The following PLPPR5 variants were observed in gnomAD, a reference collection of about 807,000 sequenced individuals.
PLPPR5 encodes phospholipid phosphatase-related protein type 5.
In PLPPR5, 16 loss-of-function variants were observed where a neutral mutation model predicts 33.9. That is an observed-to-expected ratio of 0.47 (90% CI 0.32 to 0.72). The LOEUF (loss-of-function observed/expected upper bound fraction) is 0.72, where lower values mean the gene tolerates loss of function less well. PLPPR5 is among the 30% of genes least tolerant of loss of function. PLPPR5 has a pLI of 0.03. For missense variants in PLPPR5, 301 were observed against 406.7 expected (o/e 0.74, Z 2.23); for synonymous variants, 163 against 150.3 (o/e 1.08, Z -0.62).
intron 3 of PLPPR5, among the ~76,000 whole-genome samples, chr1:98,935,115 A>G (rs901798147): frequency 1.3e-5 from 2 of 152,156 alleles, no homozygotes; most frequent in African/African-American, 4.8e-5. Context: ...TGTAGGGTCC[A>G]GTGCAAAATG....
intron 5 of PLPPR5, among the ~76,000 whole-genome samples, chr1:98,903,508 A>G (rs1218533056): frequency 6.6e-6 from 1 of 152,192 alleles, no homozygotes; most frequent in Admixed American, 6.5e-5. Context: ...TGCTATTGCT[A>G]TGACACTAAT....
At chr1:98,926,031 G>T (rs544633368) in intron 3 of PLPPR5, among the ~76,000 whole-genome samples, 46 of 152,222 alleles carry the variant, frequency 3.0e-4, no homozygotes, top group Admixed American at 1.1e-3. Flanking sequence ...TTGTTTTCAT[G>T]CTTCTTTCAC....
chr1:98,920,916 A>G (rs2101160416), intron 4 of PLPPR5, among the ~76,000 whole-genome samples: 1 of 152,288 alleles, frequency 6.6e-6, no homozygotes, highest in Middle Eastern at 3.4e-3. Flanking sequence ...TGATATACTC[A>G]TAATGATTAG....
At chr1:98,961,859 T>G (rs1367632797) in intron 1 of PLPPR5, among the ~76,000 whole-genome samples, 2 of 152,202 alleles carry the variant, frequency 1.3e-5, no homozygotes, top group Non-Finnish European at 2.9e-5. Context: ...AAGCTCTCCC[T>G]GGTGGACTTC....
At chr1:98,911,049 C>T (rs1476793260) in intron 5 of PLPPR5, among the ~76,000 whole-genome samples, 1 of 152,178 alleles carries the variant, frequency 6.6e-6, no homozygotes, top group African/African-American at 2.4e-5. Context: ...TCCTCCCTTT[C>T]TGCCTGATGA....
chr1:99,004,277 C>G, intron 1 of PLPPR5, 158 bp downstream of exon 1: 1 of 636,400 alleles, frequency 1.6e-6, no homozygotes, highest in Non-Finnish European at 2.6e-6. Flanking sequence ...CCCACCCTCA[C>G]GCGCCCTAGA....
rs529322580 is a variant in PLPPR5 at position 98,891,128 on chromosome 1, T to G, written c.*1944A>C. On this transcript the variant is annotated 3_prime_UTR_variant, in exon 6 of 6. Coordinates refer to ENST00000263177, the MANE Select transcript of PLPPR5 (RefSeq NM_001037317.2). ...ATTACTGTTATTGCCTAAAAAATCT[T>G]TAAAAAGGGTCAAGACATTCAAAGT... 2.0e-5 allele frequency: 3 copies of G among 152,250 alleles called. No individual in the cohort carries two copies. Among genetic ancestry groups the G allele is most frequent in the African/African-American group, 7.2e-5 (3 of 41,562 alleles). 9.4% of individuals were successfully genotyped at this position (152,250 alleles called of 1,614,324 possible).
At chr1:98,927,221 A>G (rs1649800936) in intron 3 of PLPPR5, among the ~76,000 whole-genome samples, 1 of 152,262 alleles carries the variant, frequency 6.6e-6, no homozygotes, top group Non-Finnish European at 1.5e-5. Flanking sequence ...TTCACTGAAT[A>G]GAAATGGGAT....
At chr1:98,906,665 C>A (rs1386235734) in intron 5 of PLPPR5, among the ~76,000 whole-genome samples, 1 of 152,166 alleles carries the variant, frequency 6.6e-6, no homozygotes, top group Non-Finnish European at 1.5e-5. Flanking sequence ...CAACTGGGAA[C>A]AATACTACTA....
intron 1 of PLPPR5, among the ~76,000 whole-genome samples, chr1:98,976,588 T>C (rs966222607): frequency 2.6e-5 from 4 of 152,144 alleles, no homozygotes; most frequent in East Asian, 1.9e-4. Flanking sequence ...AAACTGCCAA[T>C]TGCCTTGAAC....
At chr1:99,000,339 A>G (rs1047351059) in intron 1 of PLPPR5, among the ~76,000 whole-genome samples, 2 of 152,174 alleles carry the variant, frequency 1.3e-5, no homozygotes, top group African/African-American at 2.4e-5. Flanking sequence ...AGTACTATAC[A>G]CTGCTACCTA....
intron 3 of PLPPR5, 131 bp from the exon 4 acceptor site, chr1:98,922,189 G>C: frequency 1.2e-6 from 1 of 854,348 alleles, no homozygotes. Context: ...ATTAACTGGA[G>C]TTTATGAAGT....
chr1:98,932,709 C>A (rs116120760), intron 3 of PLPPR5, among the ~76,000 whole-genome samples: 2,024 of 152,318 alleles, frequency 0.013, 28 homozygotes, highest in African/African-American at 0.02. Flanking sequence ...AGAATCTCTA[C>A]TTCCCCTCTA....
At chr1:98,969,810 G>A (rs2149738) in intron 1 of PLPPR5, among the ~76,000 whole-genome samples, 28,279 of 151,738 alleles carry the variant, frequency 0.19, 2,699 homozygotes, top group East Asian at 0.26. Flanking sequence ...CAGTTCCAAA[G>A]TACATGTTTC....
intron 5 of PLPPR5, among the ~76,000 whole-genome samples, chr1:98,894,216 T>C (rs1414735635): frequency 1.3e-5 from 2 of 152,010 alleles, no homozygotes; most frequent in African/African-American, 2.4e-5. Context: ...TTCCACTAAC[T>C]CCTGGTAACA....
intron 1 of PLPPR5, among the ~76,000 whole-genome samples, chr1:98,962,456 T>C (rs1051915873): frequency 7.9e-5 from 12 of 152,184 alleles, no homozygotes; most frequent in Non-Finnish European, 1.3e-4. Flanking sequence ...ATCCTGTTGA[T>C]TATATATCTT....
In PLPPR5 at chr1:98,956,707, T is replaced by C; in HGVS notation, c.272A>G (p.Gln91Arg). The C allele has an allele frequency of 6.3e-7, 1 of 1,587,976 alleles. No individual in the cohort carries two copies. Among genetic ancestry groups the C allele is most frequent in the Non-Finnish European group, 8.5e-7 (1 of 1,170,406 alleles). ...GTTTTCAAAATCCCTTGTGGCTAGT[T>C]GTAGGCAAAAGACAGCAGTTTCTCC... ...IVGETAVFCL[Q>R]LATRDFENQE... Residue 91 changes from glutamine (Q) to arginine (R), a missense_variant, in exon 2 of 6, where the codon CAA becomes CGA. Coordinates refer to ENST00000263177, the MANE Select transcript of PLPPR5 (RefSeq NM_001037317.2).
chr1:98,968,987 A>C (rs56157718), intron 1 of PLPPR5, among the ~76,000 whole-genome samples: 16,906 of 152,096 alleles, frequency 0.11, 1,008 homozygotes, highest in African/African-American at 0.13. Context: ...TCTCGTATGA[A>C]ATTCTGAATT....
Position 98,909,442 on chromosome 1 carries a change from C to CT in PLPPR5, c.933+5343dup, listed in dbSNP as rs568755916. On this transcript the variant is annotated intron_variant, in intron 5 of 5. Transcript: ENST00000263177. Reference sequence around the variant, plus strand: ...TATACATTTAATATACATATAAAGTCTTTTTTAAAAAAACTTTCTGATATA... The same window carrying CT: ...TATACATTTAATATACATATAAAGTCTTTTTTTAAAAAAACTTTCTGATATA... Among the ~76,000 whole-genome samples the CT allele has an allele frequency of 1.4e-3, 206 of 151,130 alleles. 2 individuals carry two copies. The highest frequency in any genetic ancestry group is 2.2e-3 in the Non-Finnish European group (149 of 67,830).
Sources: allele counts gnomAD v4.1 joint callset (sites outside exome capture counted in the v4.1 genomes callset), GRCh38; gene constraint gnomAD v4.1.1; transcripts MANE v1.5; gene names NCBI Gene and HGNC (gene_info 2026-07-23, HGNC 2026-07-21).